ELOVL7: variants seen among roughly 807,000 people sequenced by gnomAD.
ELOVL7 encodes ELOVL fatty acid elongase 7.
Under a neutral mutation model 35.7 loss-of-function variants are expected in ELOVL7, and 27 were observed. The observed-to-expected ratio is 0.76, with a 90% CI of 0.56 to 1.04. The LOEUF (loss-of-function observed/expected upper bound fraction) is 1.04. Ranked by LOEUF, ELOVL7 falls within the 50% of genes least tolerant of loss-of-function variation. The probability of loss-of-function intolerance (pLI) is 0.00; values close to 1 mark genes in which losing one functional copy is unlikely to be tolerated. For synonymous variants in ELOVL7, 113 were observed against 114.6 expected, an observed-to-expected ratio of 0.99 and a Z score of 0.09; for missense variants, 327 against 340.8, an observed-to-expected ratio of 0.96 and a Z score of 0.32.
At chr5:60,831,864 T>C (rs911658996) in intron 1 of ELOVL7, among the ~76,000 whole-genome samples, 23 of 152,316 alleles carry the variant, frequency 1.5e-4, no homozygotes, top group Non-Finnish European at 2.5e-4. Context: ...TAAAATCTAG[T>C]GTTCCATTTA....
intron 1 of ELOVL7, among the ~76,000 whole-genome samples, chr5:60,840,126 CAGAT>C (rs1747077634): frequency 6.6e-6 from 1 of 152,160 alleles, no homozygotes; most frequent in Admixed American, 6.5e-5. Context: ...AAATTATTTG[CAGAT>C]AGGCGCTTTC....
intron 1 of ELOVL7, among the ~76,000 whole-genome samples, chr5:60,820,931 G>C (rs1210870112): frequency 2.6e-5 from 4 of 152,076 alleles, no homozygotes; most frequent in Admixed American, 2.6e-4. Context: ...TGATAAGTCT[G>C]TCTTGTGTTG....
intron 3 of ELOVL7, among the ~76,000 whole-genome samples, chr5:60,772,365 C>T (rs1364004533): frequency 6.6e-6 from 1 of 152,088 alleles, no homozygotes; most frequent in East Asian, 1.9e-4. Flanking sequence ...GGGAGCTCTC[C>T]TGCCCTCTTT....
intron 1 of ELOVL7, among the ~76,000 whole-genome samples, chr5:60,819,157 C>G (rs1745741020): frequency 2.2e-5 from 3 of 135,326 alleles, no homozygotes; most frequent in South Asian, 2.5e-4. Context: ...TTGATATAGA[C>G]CTCAATATAC....
At chr5:60,831,245 A>T (rs78564904) in intron 1 of ELOVL7, among the ~76,000 whole-genome samples, 2 of 152,360 alleles carry the variant, frequency 1.3e-5, no homozygotes, top group Non-Finnish European at 2.9e-5. Flanking sequence ...GGTTCATGTT[A>T]ACCTAATCTG....
chr5:60,836,429 G>A (rs529563596), intron 1 of ELOVL7, among the ~76,000 whole-genome samples: 1 of 152,042 alleles, frequency 6.6e-6, no homozygotes. Context: ...GCTATCAGCT[G>A]TGCTTTCTAG....
At chr5:60,771,232 G>T (rs1276824068) in intron 4 of ELOVL7, among the ~76,000 whole-genome samples, 1 of 152,156 alleles carries the variant, frequency 6.6e-6, no homozygotes, top group Non-Finnish European at 1.5e-5. Flanking sequence ...AACATACATG[G>T]GGGTGGCTGA....
intron 1 of ELOVL7, among the ~76,000 whole-genome samples, chr5:60,803,061 C>T (rs1744736467): frequency 6.6e-6 from 1 of 152,150 alleles, no homozygotes. Flanking sequence ...TTGGGAGCTT[C>T]AAAATCCTTC....
chr5:60,805,716 T>A (rs1744886828), intron 1 of ELOVL7, among the ~76,000 whole-genome samples: 1 of 152,210 alleles, frequency 6.6e-6, no homozygotes, highest in Non-Finnish European at 1.5e-5. Context: ...TCATTCTTGA[T>A]TCAGCCAGTC....
At chr5:60,811,255 T>C (rs879615241) in intron 1 of ELOVL7, among the ~76,000 whole-genome samples, 4 of 152,168 alleles carry the variant, frequency 2.6e-5, no homozygotes, top group Admixed American at 2.6e-4. Flanking sequence ...AACCAGTATA[T>C]AGTATGTGTG....
chr5:60,780,386 C>G (rs1432999048), intron 3 of ELOVL7, among the ~76,000 whole-genome samples: 1 of 152,124 alleles, frequency 6.6e-6, no homozygotes, highest in Non-Finnish European at 1.5e-5. Context: ...TCCCAAAGTG[C>G]TGGGATTACA....
At chr5:60,767,071 A>G (rs752933398) in intron 5 of ELOVL7, among the ~76,000 whole-genome samples, 2 of 152,122 alleles carry the variant, frequency 1.3e-5, no homozygotes, top group Non-Finnish European at 2.9e-5. Context: ...CATTCTATAC[A>G]TATGCCACAT....
intron 1 of ELOVL7, among the ~76,000 whole-genome samples, chr5:60,825,996 C>A (rs541733456): frequency 2.0e-5 from 3 of 152,216 alleles, no homozygotes; most frequent in Non-Finnish European, 4.4e-5. Flanking sequence ...GAATGCCCAG[C>A]GGTGGACAGG....
At position 60,776,198 on chromosome 5, in the gene ELOVL7, C is replaced by T. The variant is rs1338434529; in HGVS notation, c.65-4105G>A. Among the ~76,000 whole-genome samples the T allele has an allele frequency of 3.9e-5, 6 of 152,014 alleles. No individual in the cohort carries two copies. In the South Asian group the frequency reaches 8.3e-4, roughly 21 times the overall value. On this transcript the variant is annotated intron_variant, in intron 3 of 8. Coordinates refer to ENST00000508821, the MANE Select transcript of ELOVL7 (RefSeq NM_024930.3). ...CACTTCACAAAAGAAGACATACAAG[C>T]GGCCAACAAACATTAAAAAGTCAAA...
intron 1 of ELOVL7, among the ~76,000 whole-genome samples, chr5:60,836,396 C>T (rs754507975): frequency 1.3e-4 from 20 of 151,924 alleles, no homozygotes; most frequent in South Asian, 4.1e-4. Flanking sequence ...TAGTCACACA[C>T]GAAGAAGAGG....
At chr5:60,828,340 T>A (rs1746293444) in intron 1 of ELOVL7, among the ~76,000 whole-genome samples, 1 of 152,180 alleles carries the variant, frequency 6.6e-6, no homozygotes, top group Non-Finnish European at 1.5e-5. Context: ...GCACTTTTCA[T>A]TAAAAATTAA....
chr5:60,784,233 G>T (rs141134031), intron 3 of ELOVL7: 9 of 893,372 alleles, frequency 1.0e-5, no homozygotes, highest in African/African-American at 9.9e-5. Flanking sequence ...AAGCAAACAT[G>T]TACCTTAAGT....
intron 3 of ELOVL7, among the ~76,000 whole-genome samples, chr5:60,778,432 T>C (rs1743042105): frequency 6.6e-6 from 1 of 152,170 alleles, no homozygotes; most frequent in South Asian, 2.1e-4. Context: ...TTTAATTGAC[T>C]CACAGTTCTG....
At chr5:60,837,332 GTGGGGGT>G (rs1746885378) in intron 1 of ELOVL7, among the ~76,000 whole-genome samples, 2 of 114,998 alleles carry the variant, frequency 1.7e-5, no homozygotes, top group Non-Finnish European at 1.8e-5. Context: ...GGAGTGGGGG[GTGGGGGT>G]GGCGCTTGTC....
Sources: gnomAD v4.1 joint callset for allele counts (sites outside exome capture counted in the v4.1 genomes callset) on GRCh38, gnomAD v4.1.1 for gene constraint, MANE v1.5 for transcripts, NCBI Gene and HGNC (gene_info 2026-07-23, HGNC 2026-07-21) for gene names.